The following DLGAP1 variants were observed in gnomAD, a reference collection of about 807,000 sequenced individuals.
The protein encoded by DLGAP1 is disks large-associated protein 1.
A neutral mutation model predicts 90.8 loss-of-function variants in DLGAP1; 11 were observed. The ratio of observed to expected loss-of-function variants is 0.12; its 90% CI spans 0.08 to 0.20. The LOEUF (loss-of-function observed/expected upper bound fraction) is 0.20. Among genes scored for constraint, DLGAP1 ranks in the 10% least tolerant of loss-of-function variants. The pLI is 1.00. For missense variants in DLGAP1, 1,050 were observed against 1,333.8 expected, an observed-to-expected ratio of 0.79 and a Z score of 3.31; for synonymous variants, 558 against 540.7, an observed-to-expected ratio of 1.03 and a Z score of -0.44.
At chr18:3,753,509 C>T (rs1229521775) in intron 5 of DLGAP1, among the ~76,000 whole-genome samples, 1 of 152,086 alleles carries the variant, frequency 6.6e-6, no homozygotes, top group Non-Finnish European at 1.5e-5. Context: ...AAGAACTTGG[C>T]CCAAAATTTC....
intron 10 of DLGAP1, among the ~76,000 whole-genome samples, chr18:3,518,161 T>C (rs1009694364): frequency 5.3e-5 from 8 of 152,188 alleles, no homozygotes; most frequent in Non-Finnish European, 1.2e-4. Flanking sequence ...ATAGAGGCCA[T>C]TATTGGGTTA....
chr18:4,060,917 G>C (rs1310511020), intron 2 of DLGAP1, among the ~76,000 whole-genome samples: 1 of 151,994 alleles, frequency 6.6e-6, no homozygotes, highest in Non-Finnish European at 1.5e-5. Context: ...AAAGAAATGT[G>C]GTAAAATTTA....
chr18:3,613,756 T>C (rs2057733777), intron 7 of DLGAP1, among the ~76,000 whole-genome samples: 1 of 152,178 alleles, frequency 6.6e-6, no homozygotes, highest in Non-Finnish European at 1.5e-5. Flanking sequence ...CCAAAGGCAA[T>C]ACAGTTTTAT....
intron 7 of DLGAP1, among the ~76,000 whole-genome samples, chr18:3,622,719 T>C (rs749640939): frequency 3.7e-4 from 56 of 152,366 alleles, no homozygotes; most frequent in Non-Finnish European, 7.1e-4. Flanking sequence ...AGCGGAAAGA[T>C]AATCACTTTT....
intron 1 of DLGAP1, among the ~76,000 whole-genome samples, chr18:4,196,301 T>C (rs980177865): frequency 6.6e-6 from 1 of 152,220 alleles, no homozygotes; most frequent in Admixed American, 6.5e-5. Flanking sequence ...GAAACTGACC[T>C]TGCCTGAGTA....
At chr18:4,237,189 C>T (rs2078434391) in intron 1 of DLGAP1, among the ~76,000 whole-genome samples, 1 of 152,170 alleles carries the variant, frequency 6.6e-6, no homozygotes, top group African/African-American at 2.4e-5. Context: ...TCTGAAGCTT[C>T]GGTCCTTGCC....
chr18:3,630,303 C>A (rs1787807), intron 7 of DLGAP1, among the ~76,000 whole-genome samples: 2,739 of 152,244 alleles, frequency 0.018, 84 homozygotes, highest in African/African-American at 0.062. Flanking sequence ...TCAGACTTGG[C>A]CTGAAACATT....
At chr18:4,020,943 C>A (rs974681387) in intron 2 of DLGAP1, among the ~76,000 whole-genome samples, 11 of 152,152 alleles carry the variant, frequency 7.2e-5, no homozygotes, top group Non-Finnish European at 1.5e-4. Context: ...CCAGCTGACA[C>A]CACCCAGACT....
chr18:4,152,461 G>A (rs966602361), intron 1 of DLGAP1, among the ~76,000 whole-genome samples: 1 of 152,176 alleles, frequency 6.6e-6, no homozygotes, highest in African/African-American at 2.4e-5. Flanking sequence ...AGGCACAGAG[G>A]CAGAGGCAGA....
At chr18:4,442,517 C>T (rs8093526) in intron 1 of DLGAP1, among the ~76,000 whole-genome samples, 74,722 of 151,874 alleles carry the variant, frequency 0.49, 18,425 homozygotes, top group African/African-American at 0.54. Flanking sequence ...TATAATGCAA[C>T]GCAGTAGATT....
chr18:3,636,878 C>G (rs183557437), intron 7 of DLGAP1, among the ~76,000 whole-genome samples: 1 of 151,092 alleles, frequency 6.6e-6, no homozygotes, highest in Admixed American at 6.6e-5. Context: ...GTGCACACCA[C>G]CACACCTGGC....
intron 4 of DLGAP1, among the ~76,000 whole-genome samples, chr18:3,861,824 C>T (rs547902777): frequency 6.6e-6 from 1 of 152,234 alleles, no homozygotes; most frequent in Admixed American, 6.5e-5. Context: ...GGGAATCCTG[C>T]CTCAATAAGC....
chr18:4,249,555 T>C (rs2078734600), intron 1 of DLGAP1, among the ~76,000 whole-genome samples: 1 of 152,130 alleles, frequency 6.6e-6, no homozygotes, highest in Non-Finnish European at 1.5e-5. Flanking sequence ...AACCGTTCAG[T>C]AATGATGGAT....
chr18:4,300,972 A>T (rs1180017676), intron 1 of DLGAP1, among the ~76,000 whole-genome samples: 2 of 152,052 alleles, frequency 1.3e-5, no homozygotes, highest in East Asian at 3.9e-4. Context: ...TATCCTCTTT[A>T]ATTTTTTAAT....
Position 3,562,473 on chromosome 18 carries a change from A to T in DLGAP1, c.2057+5017T>A, listed in dbSNP as rs2054186933. 6.1e-5 allele frequency among the ~76,000 whole-genome samples: 9 copies of T among 148,224 alleles called. 1 individual carries two copies. The South Asian group carries it at 2.0e-3, about 32-fold the overall frequency. On this transcript the variant is annotated intron_variant, in intron 9 of 12. Coordinates refer to ENST00000315677, the MANE Select transcript of DLGAP1 (RefSeq NM_004746.4). Reference sequence around the variant, plus strand: ...TTCCCATGCTGTTCTCATGATAACGAGTGGGTCTCATGAGATCTGATGGCT... The same window carrying T: ...TTCCCATGCTGTTCTCATGATAACGTGTGGGTCTCATGAGATCTGATGGCT...
At chr18:3,850,468 T>A (rs1354955888) in intron 4 of DLGAP1, among the ~76,000 whole-genome samples, 2 of 152,168 alleles carry the variant, frequency 1.3e-5, no homozygotes, top group Non-Finnish European at 2.9e-5. Context: ...ATTTTCCCAA[T>A]GAAGACATTT....
intron 3 of DLGAP1, among the ~76,000 whole-genome samples, chr18:3,992,203 G>A (rs2073983484): frequency 6.6e-6 from 1 of 152,138 alleles, no homozygotes; most frequent in South Asian, 2.1e-4. Context: ...TTTAAAGCAC[G>A]TTTGAAAAGA....
intron 9 of DLGAP1, among the ~76,000 whole-genome samples, chr18:3,549,393 C>T (rs574600153): frequency 1.0e-3 from 155 of 150,308 alleles, no homozygotes; most frequent in Admixed American, 4.2e-3. Flanking sequence ...AGTGCAGTGG[C>T]GCAATCTCGG....
intron 1 of DLGAP1, among the ~76,000 whole-genome samples, chr18:4,187,165 A>C (rs1172280796): frequency 6.6e-6 from 1 of 152,148 alleles, no homozygotes; most frequent in Non-Finnish European, 1.5e-5. Flanking sequence ...AAAAGTATGA[A>C]GTTTTCTACA....
Sources: allele counts gnomAD v4.1 joint callset (sites outside exome capture counted in the v4.1 genomes callset), GRCh38; gene constraint gnomAD v4.1.1; transcripts MANE v1.5; gene names NCBI Gene and HGNC (gene_info 2026-07-23, HGNC 2026-07-21).